VKORC1L1: variants seen among roughly 807,000 people sequenced by gnomAD.
VKORC1L1 encodes vitamin K epoxide reductase complex subunit 1L1.
VKORC1L1 carries 2 observed loss-of-function variants against 18.9 expected under a neutral mutation model. The ratio of observed to expected loss-of-function variants is 0.11; its 90% CI spans 0.04 to 0.33. The LOEUF (loss-of-function observed/expected upper bound fraction) is 0.33. Among genes scored for constraint, VKORC1L1 ranks in the 10% least tolerant of loss-of-function variants. The pLI is 1.00. For synonymous variants in VKORC1L1, 96 were observed against 100.0 expected, an observed-to-expected ratio of 0.96 and a Z score of 0.24; for missense variants, 123 against 224.1, an observed-to-expected ratio of 0.55 and a Z score of 2.88.
rs370356956 is a variant in VKORC1L1, at chr7:65,895,516, T to TATATATATATATACACAC, written c.194+21952_194+21953insTATATATATATACACACA. Among the ~76,000 whole-genome samples the TATATATATATATACACAC allele has an allele frequency of 5.6e-5, 4 of 71,590 alleles. No homozygotes were observed. The East Asian group carries it at 1.7e-3, about 30-fold the overall frequency. 47.0% of individuals were successfully genotyped at this position (71,590 alleles called of 152,430 possible). The stretch of plus-strand genomic sequence containing the variant: ...ATATATATATATATATATATATATA[T>TATATATATATATACACAC]ACACACACACACACACACACACATA... On this transcript the variant is annotated intron_variant, in intron 1 of 2. Transcript: ENST00000360768.
intron 1 of VKORC1L1, among the ~76,000 whole-genome samples, chr7:65,928,697 C>T (rs1223842618): frequency 2.0e-5 from 3 of 152,194 alleles, no homozygotes; most frequent in Admixed American, 6.5e-5. Flanking sequence ...AGCTACTCTA[C>T]GTTTCCAAAC....
intron 1 of VKORC1L1, among the ~76,000 whole-genome samples, chr7:65,924,584 C>T (rs1375263481): frequency 6.6e-6 from 1 of 152,092 alleles, no homozygotes; most frequent in East Asian, 1.9e-4. Flanking sequence ...TTTACAAAAA[C>T]AAGCAGTGGG....
At chr7:65,951,012 G>A (rs544687875) in intron 2 of VKORC1L1, among the ~76,000 whole-genome samples, 2 of 152,304 alleles carry the variant, frequency 1.3e-5, no homozygotes, top group African/African-American at 4.8e-5. Context: ...ATAGAGGTGT[G>A]ACAGCCAAAT....
intron 1 of VKORC1L1, among the ~76,000 whole-genome samples, chr7:65,942,478 C>T (rs563174016): frequency 6.0e-4 from 78 of 130,066 alleles, no homozygotes; most frequent in Non-Finnish European, 9.7e-4. Context: ...GGTGACAGAG[C>T]GAGACTCCAT....
In VKORC1L1 at chr7:65,956,392, A is replaced by G. The variant is rs1790295817; in HGVS notation, c.*2092A>G. 6.6e-6 allele frequency: 1 copy of G among 152,252 alleles called. No individual in the cohort carries two copies. Among genetic ancestry groups the G allele is most frequent in the South Asian group, 2.1e-4 (1 of 4,834 alleles). The allele number at this position is 152,252 out of a possible 1,614,324, so 9.4% of individuals were successfully genotyped here. ...ATGGTTTTTCATCCTATTTTGTATC[A>G]ATCAACAGAGTATAGTTAAAGCTTG... On this transcript the variant is annotated 3_prime_UTR_variant, in exon 3 of 3. Transcript: ENST00000360768.
At chr7:65,873,004 C>T (rs987696208), upstream of VKORC1L1, among the ~76,000 whole-genome samples, 1 of 109,928 alleles carries the variant, frequency 9.1e-6, no homozygotes, top group African/African-American at 2.7e-5. Context: ...CACCCCTGCC[C>T]CACCCCTTTC....
intron 1 of VKORC1L1, among the ~76,000 whole-genome samples, chr7:65,926,264 T>C (rs1789763767): frequency 2.0e-5 from 3 of 152,108 alleles, no homozygotes; most frequent in Admixed American, 2.0e-4. Context: ...CAGGCGATTC[T>C]CCTGCCTCTG....
At chr7:65,935,705 T>C (rs138704198) in intron 1 of VKORC1L1, among the ~76,000 whole-genome samples, 145 of 152,320 alleles carry the variant, frequency 9.5e-4, no homozygotes, top group Non-Finnish European at 3.5e-4. Context: ...AGGGCTTTTC[T>C]GTCTTTGGTT....
intron 1 of VKORC1L1, among the ~76,000 whole-genome samples, chr7:65,885,595 G>A (rs958625021): frequency 1.3e-5 from 2 of 151,968 alleles, no homozygotes; most frequent in African/African-American, 2.4e-5. Flanking sequence ...TGTGTCTAGT[G>A]TAAGGGTAGG....
chr7:65,924,410 G>T (rs967719274), intron 1 of VKORC1L1, among the ~76,000 whole-genome samples: 2 of 152,146 alleles, frequency 1.3e-5, no homozygotes, highest in East Asian at 3.8e-4. Flanking sequence ...ACATTATACT[G>T]CAGTTAGCCA....
At chr7:65,923,035 G>T (rs1358057167) in intron 1 of VKORC1L1, among the ~76,000 whole-genome samples, 1 of 152,132 alleles carries the variant, frequency 6.6e-6, no homozygotes, top group African/African-American at 2.4e-5. Context: ...TGATAAAGTA[G>T]AGCATTTGAT....
chr7:65,873,909 A>C (rs1788778706), intron 1 of VKORC1L1, among the ~76,000 whole-genome samples: 1 of 150,988 alleles, frequency 6.6e-6, no homozygotes, highest in South Asian at 2.1e-4. Flanking sequence ...GGGTGGGTCC[A>C]GGCTGGCTTG....
rs1211258058 is a variant in VKORC1L1, at chr7:65,908,271, G to A, written c.194+34706G>A. Among the ~76,000 whole-genome samples, 7 of 152,052 alleles carry A rather than the reference G, an allele frequency of 4.6e-5. No individual in the cohort carries two copies. In the East Asian group the frequency reaches 7.7e-4, roughly 17 times the overall value. ...CCTACTAAAAATAGAAAAATTAGCC[G>A]AGCATGGTGGCGCATGCCTGTAATC... On this transcript the variant is annotated intron_variant, in intron 1 of 2. Coordinates refer to ENST00000360768, the MANE Select transcript of VKORC1L1 (RefSeq NM_173517.6).
chr7:65,874,587 C>T (rs1315439761), intron 1 of VKORC1L1, among the ~76,000 whole-genome samples: 1 of 151,982 alleles, frequency 6.6e-6, no homozygotes, highest in African/African-American at 2.4e-5. Context: ...GCGGGTGGAT[C>T]ATGAGGTCAG....
At chr7:65,945,083 A>G (rs1406398534) in intron 1 of VKORC1L1, among the ~76,000 whole-genome samples, 3 of 151,892 alleles carry the variant, frequency 2.0e-5, no homozygotes, top group African/African-American at 7.3e-5. Flanking sequence ...CAACATGGTG[A>G]AACCCCATCT....
chr7:65,938,745 A>T (rs575105660), intron 1 of VKORC1L1, among the ~76,000 whole-genome samples: 1 of 152,336 alleles, frequency 6.6e-6, no homozygotes, highest in Admixed American at 6.5e-5. Flanking sequence ...CACTGTGGGC[A>T]TGTCTAAACC....
At chr7:65,868,697 C>T (rs1788690754), upstream of VKORC1L1, among the ~76,000 whole-genome samples, 3 of 152,186 alleles carry the variant, frequency 2.0e-5, no homozygotes, top group Admixed American at 2.0e-4. Context: ...GGAGGCCATT[C>T]TCCTCAGTGA....
At chr7:65,905,884 ACTTT>A (rs1789398240) in intron 1 of VKORC1L1, among the ~76,000 whole-genome samples, 1 of 152,140 alleles carries the variant, frequency 6.6e-6, no homozygotes, top group South Asian at 2.1e-4. Context: ...TAGGATACTT[ACTTT>A]ATCTCTGAAA....
At chr7:65,867,983 A>G in the VKORC1L1 span, among the ~76,000 whole-genome samples, 2,007 of 152,308 alleles carry the variant, frequency 0.013, 47 homozygotes, top group East Asian at 0.087. Context: ...AGTAGCTGGC[A>G]TTACAGGCAC....
Sources: gnomAD v4.1 joint callset for allele counts (sites outside exome capture counted in the v4.1 genomes callset) on GRCh38, gnomAD v4.1.1 for gene constraint, MANE v1.5 for transcripts, NCBI Gene and HGNC (gene_info 2026-07-23, HGNC 2026-07-21) for gene names.